Variants in GRM5 observed in about 807,000 individuals in gnomAD.
The protein encoded by GRM5 is metabotropic glutamate receptor 5.
GRM5 carries 19 observed loss-of-function variants against 83.1 expected under a neutral mutation model. The ratio of observed to expected loss-of-function variants is 0.23; its 90% CI spans 0.16 to 0.34. The LOEUF (loss-of-function observed/expected upper bound fraction) is 0.34. Ranked by LOEUF, GRM5 falls within the 10% of genes least tolerant of loss-of-function variation. The probability of loss-of-function intolerance (pLI) is 1.00; values close to 1 mark genes in which losing one functional copy is unlikely to be tolerated. For synonymous variants in GRM5, 675 were observed against 633.6 expected (o/e 1.07, Z -0.98); for missense variants, 1,160 against 1,588.3 (o/e 0.73, Z 4.58).
intron 3 of GRM5, among the ~76,000 whole-genome samples, chr11:88,714,481 A>T (rs1190521360): frequency 6.6e-6 from 1 of 152,014 alleles, no homozygotes; most frequent in African/African-American, 2.4e-5. Context: ...AGACATTGTT[A>T]AAAAAGTGAT....
At chr11:88,630,153 C>T (rs556507217) in intron 4 of GRM5, among the ~76,000 whole-genome samples, 15 of 152,272 alleles carry the variant, frequency 9.9e-5, no homozygotes, top group African/African-American at 3.6e-4. Context: ...GTCACCCTCC[C>T]CAACATTCTA....
chr11:88,940,634 A>G (rs2135664825), intron 2 of GRM5, among the ~76,000 whole-genome samples: 1 of 152,026 alleles, frequency 6.6e-6, no homozygotes, highest in East Asian at 1.9e-4. Context: ...GGAAAAAATA[A>G]TTCAAGTAAC....
chr11:88,626,111 C>T (rs147458453), intron 4 of GRM5, among the ~76,000 whole-genome samples: 2 of 152,186 alleles, frequency 1.3e-5, no homozygotes, highest in African/African-American at 2.4e-5. Context: ...TTGAGAGCAG[C>T]CTTTACAATT....
At chr11:88,575,365 A>G (rs1022752622) in intron 7 of GRM5, among the ~76,000 whole-genome samples, 1 of 152,212 alleles carries the variant, frequency 6.6e-6, no homozygotes, top group African/African-American at 2.4e-5. Context: ...TAGATATGTT[A>G]ACTTTCTGGG....
At chr11:88,921,550 A>C (rs1945693386) in intron 2 of GRM5, among the ~76,000 whole-genome samples, 1 of 152,084 alleles carries the variant, frequency 6.6e-6, no homozygotes, top group Non-Finnish European at 1.5e-5. Context: ...GAATGGTGGG[A>C]ACCCGGGAGG....
chr11:88,546,076 G>T (rs933925805), intron 8 of GRM5, among the ~76,000 whole-genome samples: 9 of 151,722 alleles, frequency 5.9e-5, no homozygotes, highest in African/African-American at 2.2e-4. Flanking sequence ...TGCTGTCTTT[G>T]CTTGGGATAC....
At chr11:88,824,235 T>C (rs566839180) in intron 3 of GRM5, among the ~76,000 whole-genome samples, 59 of 152,328 alleles carry the variant, frequency 3.9e-4, no homozygotes, top group African/African-American at 1.3e-3. Context: ...TATTGGAAGT[T>C]GTTCTGATTG....
chr11:88,837,865 A>G (rs1944119551), intron 3 of GRM5, among the ~76,000 whole-genome samples: 1 of 152,026 alleles, frequency 6.6e-6, no homozygotes, highest in African/African-American at 2.4e-5. Flanking sequence ...CGGGTGGATC[A>G]CGAGGTCAGG....
chr11:88,791,379 A>C (rs1490336721), intron 3 of GRM5, among the ~76,000 whole-genome samples: 1 of 152,186 alleles, frequency 6.6e-6, no homozygotes, highest in Non-Finnish European at 1.5e-5. Context: ...GAGAAGAGCA[A>C]CTTTGTCTTG....
chr11:88,578,092 A>G (rs747168425), intron 7 of GRM5, among the ~76,000 whole-genome samples: 25 of 152,206 alleles, frequency 1.6e-4, no homozygotes, highest in Admixed American at 4.6e-4. Context: ...AAGCCAGGCT[A>G]CTTTCTCTCT....
intron 3 of GRM5, among the ~76,000 whole-genome samples, chr11:88,732,355 A>G (rs1158820997): frequency 6.6e-6 from 1 of 152,096 alleles, no homozygotes; most frequent in African/African-American, 2.4e-5. Flanking sequence ...TGTTATTAAT[A>G]AATGTCATAA....
intron 2 of GRM5, chr11:88,984,964 C>A: frequency 1.7e-6 from 1 of 579,300 alleles, no homozygotes; most frequent in Non-Finnish European, 3.2e-6. Context: ...TTTCTAATCA[C>A]AGTATTATGT....
intron 3 of GRM5, among the ~76,000 whole-genome samples, chr11:88,845,560 A>T (rs1944288878): frequency 6.7e-6 from 1 of 149,698 alleles, no homozygotes; most frequent in Non-Finnish European, 1.5e-5. Context: ...CAGCCTCCAG[A>T]GTAGCTGGGA....
At chr11:88,712,605 A>G (rs368319829) in intron 3 of GRM5, among the ~76,000 whole-genome samples, 3 of 152,152 alleles carry the variant, frequency 2.0e-5, no homozygotes, top group East Asian at 3.9e-4. Flanking sequence ...CAACTCAGTC[A>G]TCTTAGGGTT....
chr11:88,651,662 G>C (rs1245320451), intron 4 of GRM5, among the ~76,000 whole-genome samples: 1 of 152,092 alleles, frequency 6.6e-6, no homozygotes, highest in African/African-American at 2.4e-5. Flanking sequence ...GTAAGCATTT[G>C]AGGATTTGGT....
rs1333485008 is a variant in GRM5 at position 88,858,571 on chromosome 11, AAAG to A, written c.662-8419_662-8417del. 1.1e-4 allele frequency among the ~76,000 whole-genome samples: 17 copies of A among 152,194 alleles called. 3 individuals carry two copies. Among genetic ancestry groups the A allele is most frequent in the Admixed American group, 1.1e-3 (16 of 15,238 alleles). On this transcript the variant is annotated intron_variant, in intron 2 of 9. Coordinates refer to ENST00000305447, the MANE Select transcript of GRM5 (RefSeq NM_001143831.3). The stretch of plus-strand genomic sequence containing the variant: ...TAGAAAACAGGAAATCAGATTATTT[AAAG>A]AAGAATACGTGACAGTTTTAACTGC...
At chr11:88,719,162 C>G (rs1941472461) in intron 3 of GRM5, among the ~76,000 whole-genome samples, 1 of 151,782 alleles carries the variant, frequency 6.6e-6, no homozygotes, top group African/African-American at 2.4e-5. Context: ...TATTTCATCA[C>G]CCAGATATTA....
chr11:88,876,841 T>A (rs1039481273), intron 2 of GRM5, among the ~76,000 whole-genome samples: 1 of 151,778 alleles, frequency 6.6e-6, no homozygotes. Flanking sequence ...TAAACACAGA[T>A]AAAAAATGTG....
At chr11:88,813,946 A>G (rs188963490) in intron 3 of GRM5, among the ~76,000 whole-genome samples, 1 of 151,552 alleles carries the variant, frequency 6.6e-6, no homozygotes, top group Admixed American at 6.7e-5. Flanking sequence ...TTAACCATTA[A>G]TTCAAAAGAT....
Sources: allele counts gnomAD v4.1 joint callset (sites outside exome capture counted in the v4.1 genomes callset), GRCh38; gene constraint gnomAD v4.1.1; transcripts MANE v1.5; gene names NCBI Gene and HGNC (gene_info 2026-07-23, HGNC 2026-07-21).